Variants in DECR2 observed in about 807,000 individuals in gnomAD.
DECR2 encodes peroxisomal 2,4-dienoyl-CoA reductase [(3E)-enoyl-CoA-producing].
A neutral mutation model predicts 29.2 loss-of-function variants in DECR2; 34 were observed. The ratio of observed to expected loss-of-function variants is 1.16; its 90% confidence interval spans 0.89 to 1.55. DECR2 has a LOEUF of 1.55. DECR2 is among the 40% of genes most tolerant of loss of function. The probability of loss-of-function intolerance (pLI) is 0.00; values close to 1 mark genes in which losing one functional copy is unlikely to be tolerated. For synonymous variants in DECR2, 224 were observed against 182.7 expected (o/e 1.23, Z -1.82); for missense variants, 485 against 425.3 (o/e 1.14, Z -1.23).
rs2054825204 is a variant in DECR2 at position 412,037 on chromosome 16, A to T, written c.*148A>T. 1.2e-5 allele frequency: 2 copies of T among 161,582 alleles called. No individual in the cohort carries two copies. Among genetic ancestry groups the T allele is most frequent in the Non-Finnish European group, 2.7e-5 (2 of 74,510 alleles). The allele number at this position is 161,582 out of a possible 1,614,324, so 10.0% of individuals were successfully genotyped here. A position where few individuals can be genotyped will look rare whatever the true frequency, so the allele number is the denominator to read the frequency against. ...CCCACGGCCCCAACTCCAGGGCAGG[A>T]GCAACTGGACAGTGGGCCTGGCCCG... On this transcript the variant is annotated 3_prime_UTR_variant, in exon 9 of 9. Transcript: ENST00000219481.
chr16:410,095 G>T lies in DECR2; in HGVS notation c.338-148G>T. The T allele has an allele frequency of 8.4e-7, 1 of 1,187,288 alleles. No individual in the cohort carries two copies. The highest frequency in any genetic ancestry group is 1.2e-6 in the Non-Finnish European group (1 of 869,352). The allele number at this position is 1,187,288 out of a possible 1,614,324, so 73.5% of individuals were successfully genotyped here. A position where few individuals can be genotyped will look rare whatever the true frequency, so the allele number is the denominator to read the frequency against. On this transcript the variant is annotated intron_variant, in intron 4 of 8. Coordinates refer to ENST00000219481, the MANE Select transcript of DECR2 (RefSeq NM_020664.4). The surrounding 1 kb of genome is among the most constrained non-coding windows in gnomAD (Gnocchi z 4.1). ...ACGCCCGTCTTGCTCTGGTCATTTT[G>T]GAATTTATCCTAGGGCATGGGTCTC...
chr16:407,716 C>A, intron 4 of DECR2, 156 bp downstream of exon 4: 1 of 1,249,262 alleles, frequency 8.0e-7, no homozygotes, highest in Non-Finnish European at 1.1e-6. Flanking sequence ...GAGGCCAAGA[C>A]TCAGGCTCCG....
At chr16:402,131 C>G in intron 1 of DECR2, 88 bp downstream of exon 1, 1 of 1,093,254 alleles carries the variant, frequency 9.1e-7, no homozygotes, top group Non-Finnish European at 1.2e-6. Flanking sequence ...CGAGGGCTCG[C>G]GTGTTAGGAA....
At chr16:408,976 C>T (rs569187330) in intron 4 of DECR2, among the ~76,000 whole-genome samples, 26 of 150,856 alleles carry the variant, frequency 1.7e-4, no homozygotes, top group East Asian at 7.9e-4. Flanking sequence ...GGATTACAGG[C>T]GCCCGCTACC....
intron 1 of DECR2, chr16:403,114 T>A: frequency 3.9e-6 from 3 of 778,606 alleles, no homozygotes; most frequent in Non-Finnish European, 4.7e-6. Context: ...TTCTCCTGCC[T>A]CAGCCTCCCA....
chr16:407,607 T>G, intron 4 of DECR2, 47 bp downstream of exon 4: 1 of 1,607,462 alleles, frequency 6.2e-7, no homozygotes, highest in Non-Finnish European at 8.5e-7. Flanking sequence ...AGGTTGGTGG[T>G]ACCATTTGGA....
chr16:409,655 C>G (rs148489390), intron 4 of DECR2: 11 of 152,430 alleles, frequency 7.2e-5, no homozygotes, highest in African/African-American at 7.2e-5. Context: ...CCTGGGCTAA[C>G]AGAGTACTAC....
intron 2 of DECR2, chr16:405,495 T>G: frequency 7.7e-7 from 1 of 1,292,580 alleles, no homozygotes; most frequent in Non-Finnish European, 1.0e-6. Context: ...GCCTTTCCAC[T>G]GGTGGCTTTG....
rs1427949206 is a variant in DECR2, at chr16:411,943, A to G, written c.*54A>G. 4.0e-6 allele frequency: 1 copy of G among 252,334 alleles called. No homozygotes were observed. The highest frequency in any genetic ancestry group is 9.1e-5 in the East Asian group (1 of 10,976). 15.6% of individuals were successfully genotyped at this position (252,334 alleles called of 1,614,324 possible). A position where few individuals can be genotyped will look rare whatever the true frequency, so the allele number is the denominator to read the frequency against. On this transcript the variant is annotated 3_prime_UTR_variant, in exon 9 of 9. Transcript: ENST00000219481. Reference sequence around the variant, plus strand: ...CTCACTCAGCCAGGTGGAGAGCACCAATCTGAACCAGCAATGCCTGCAGCC... The same window carrying G: ...CTCACTCAGCCAGGTGGAGAGCACCGATCTGAACCAGCAATGCCTGCAGCC...
In DECR2 at chr16:411,565, C is replaced by G; in HGVS notation, c.866C>G (p.Ser289Cys). ...VKGLPDFASFSAKL is the reference protein window; with the variant it reads ...VKGLPDFASFCAKL ...GGGCTGCCGGATTTCGCATCCTTCTCTGCTAAGCTCTAGGTGAGGTACTGC... is the reference window on the plus strand; with the variant it reads ...GGGCTGCCGGATTTCGCATCCTTCTGTGCTAAGCTCTAGGTGAGGTACTGC... Residue 289 changes from serine to cysteine, a missense_variant, in exon 8 of 9, where the codon TCT becomes TGT. By Grantham distance (112) the Ser-to-Cys change is moderately radical. Coordinates refer to ENST00000219481, the MANE Select transcript of DECR2 (RefSeq NM_020664.4). 1.2e-6 allele frequency: 2 copies of G among 1,612,438 alleles called. No individual in the cohort carries two copies. The highest frequency in any genetic ancestry group is 1.7e-6 in the Non-Finnish European group (2 of 1,179,162).
chr16:411,157 C>T, intron 7 of DECR2, 81 bp downstream of exon 7: 1 of 1,368,190 alleles, frequency 7.3e-7, no homozygotes, highest in Non-Finnish European at 9.7e-7. Context: ...AGAACCTTGG[C>T]AGGGTGTATG....
intron 4 of DECR2, among the ~76,000 whole-genome samples, chr16:407,833 G>A (rs1236837963): frequency 9.1e-5 from 12 of 131,416 alleles, no homozygotes; most frequent in Admixed American, 8.2e-4. Flanking sequence ...CCGCATCTCC[G>A]GCCCCCTGTC....
chr16:410,908 C>T lies in DECR2; in HGVS notation c.557-64C>T. The T allele has an allele frequency of 6.5e-7, 1 of 1,539,022 alleles. No individual in the cohort carries two copies. The highest frequency in any genetic ancestry group is 8.8e-7 in the Non-Finnish European group (1 of 1,138,162). On this transcript the variant is annotated intron_variant, in intron 6 of 8. Transcript: ENST00000219481. The surrounding 1 kb of genome is among the most constrained non-coding windows in gnomAD (Gnocchi z 4.1). ...CCCAGCTGCAGGCAGCGAGACCTGG[C>T]CTTGGCCCTGCGCCCTCGCAGAGGG...
At chr16:403,989 C>T (rs575954037) in intron 1 of DECR2, among the ~76,000 whole-genome samples, 6 of 151,916 alleles carry the variant, frequency 3.9e-5, no homozygotes, top group African/African-American at 1.4e-4. Context: ...CTGGCTAACA[C>T]GGTGAAACCT....
intron 2 of DECR2, among the ~76,000 whole-genome samples, 174 bp from the exon 3 acceptor site, chr16:406,172 C>T (rs1446780194): frequency 6.6e-6 from 1 of 152,228 alleles, no homozygotes; most frequent in Non-Finnish European, 1.5e-5. Flanking sequence ...GTGGGCACCA[C>T]CTGAGGTCCC....
chr16:407,729 C>T, intron 4 of DECR2, 169 bp downstream of exon 4: 1 of 1,115,784 alleles, frequency 9.0e-7, no homozygotes, highest in Non-Finnish European at 1.2e-6. Flanking sequence ...AGGCTCCGGC[C>T]CCCTGTCTCC....
At chr16:407,249 C>T (rs879315492) in intron 3 of DECR2, 176 bp from the exon 4 acceptor site, 11 of 1,416,298 alleles carry the variant, frequency 7.8e-6, no homozygotes, top group African/African-American at 1.4e-5. Context: ...GGCAGGTTCC[C>T]ACAAACATCC....
chr16:409,419 C>G (rs981601935), intron 4 of DECR2, among the ~76,000 whole-genome samples: 10 of 152,040 alleles, frequency 6.6e-5, no homozygotes, highest in Non-Finnish European at 1.3e-4. Context: ...ATCCGCCCGC[C>G]TCAGCCTCCC....
chr16:408,503 TA>T (rs869056405), intron 4 of DECR2, among the ~76,000 whole-genome samples: 25 of 146,116 alleles, frequency 1.7e-4, no homozygotes, highest in Admixed American at 2.0e-4. Flanking sequence ...ATTCCGTCTT[TA>T]AAAAAAAAAG....
Sources: allele counts gnomAD v4.1 joint callset (sites outside exome capture counted in the v4.1 genomes callset), GRCh38; gene constraint gnomAD v4.1.1; non-coding constraint Gnocchi (gnomAD v3.1); transcripts MANE v1.5; gene names NCBI Gene and HGNC (gene_info 2026-07-23, HGNC 2026-07-21).